The following CDCA7 variants were observed in gnomAD, a reference collection of about 807,000 sequenced individuals.
The protein encoded by CDCA7 is cell division cycle associated 7, also known as cell division cycle-associated protein 7.
Under a neutral mutation model 54.0 loss-of-function variants are expected in CDCA7, and 28 were observed. The ratio of observed to expected loss-of-function variants is 0.52; its 90% CI spans 0.38 to 0.71. The LOEUF (loss-of-function observed/expected upper bound fraction) is 0.71. Among genes scored for constraint, CDCA7 ranks in the 30% least tolerant of loss-of-function variants. CDCA7 has a pLI of 0.00. For missense variants in CDCA7, 484 were observed against 586.0 expected (o/e 0.83, Z 1.80); for synonymous variants, 180 against 208.2 (o/e 0.86, Z 1.16).
At chr2:173,357,974 G>A (rs1264044689) in intron 1 of CDCA7, among the ~76,000 whole-genome samples, 1 of 152,154 alleles carries the variant, frequency 6.6e-6, no homozygotes. Flanking sequence ...GCCGAGGCAG[G>A]CAGATCACGA....
At chr2:173,363,762 C>T (rs1686667136) in intron 4 of CDCA7, 56 bp from the exon 5 acceptor site, 2 of 1,536,052 alleles carry the variant, frequency 1.3e-6, no homozygotes, top group African/African-American at 1.4e-5. Context: ...GTTAGTTGCT[C>T]ATTTTCGACA....
intron 1 of CDCA7, chr2:173,356,228 T>A (rs1686501733): frequency 6.6e-6 from 1 of 152,270 alleles, no homozygotes; most frequent in Non-Finnish European, 1.5e-5. Context: ...TGGCTTTTCC[T>A]CCAAAGATAC....
At chr2:173,367,006 A>G in intron 8 of CDCA7, 144 bp from the exon 9 acceptor site, 3 of 1,171,264 alleles carry the variant, frequency 2.6e-6, no homozygotes, top group South Asian at 3.2e-5. Context: ...AGGAAGCATT[A>G]GGCATTAGGA....
intron 6 of CDCA7, 63 bp downstream of exon 6, chr2:173,365,052 C>G: frequency 6.7e-7 from 1 of 1,499,374 alleles, no homozygotes; most frequent in South Asian, 1.4e-5. Flanking sequence ...TGGCATCATA[C>G]ACAGCACAGG....
rs373928192 is a variant in CDCA7, at chr2:173,359,499, C to A, written c.384+8C>A. 3 of 1,601,464 alleles carry A rather than the reference C, an allele frequency of 1.9e-6. No individual in the cohort carries two copies. Among genetic ancestry groups the A allele is most frequent in the South Asian group, 2.2e-5 (2 of 90,644 alleles). ...GAGATACAAGATGGAATGGTGAGTT[C>A]GAGAATTTCACCAGTTTCAAGAAGT... On this transcript the variant is annotated splice_region_variant and intron_variant, in intron 3 of 9. Coordinates refer to ENST00000306721, the MANE Select transcript of CDCA7 (RefSeq NM_031942.5).
In CDCA7 at chr2:173,359,235, T is replaced by G; in HGVS notation, c.148-20T>G. The stretch of plus-strand genomic sequence containing the variant: ...AAAAGAAAAAAAATGCACAACCGCA[T>G]TTATTTATTTATTTTACAGAAACCT... On this transcript the variant is annotated intron_variant, in intron 2 of 9. Coordinates refer to ENST00000306721, the MANE Select transcript of CDCA7 (RefSeq NM_031942.5). 1 of 1,564,636 alleles carries G rather than the reference T, an allele frequency of 6.4e-7. No homozygotes were observed. The highest frequency in any genetic ancestry group is 8.8e-7 in the Non-Finnish European group (1 of 1,141,068).
intron 2 of CDCA7, 64 bp from the exon 3 acceptor site, chr2:173,359,191 A>G (rs1686571894): frequency 1.5e-6 from 2 of 1,359,400 alleles, no homozygotes; most frequent in Non-Finnish European, 2.1e-6. Flanking sequence ...TGCACGGTTT[A>G]TGGAAAATTG....
chr2:173,359,398 A>G lies in CDCA7; in HGVS notation c.291A>G (p.Pro97=). 3.1e-6 allele frequency: 5 copies of G among 1,614,238 alleles called. No homozygotes were observed. The highest frequency in any genetic ancestry group is 4.2e-6 in the Non-Finnish European group (5 of 1,180,050). The change falls in exon 3 of 10, where the codon CCA becomes CCG. Residue 97 remains proline (P), a synonymous_variant. Transcript: ENST00000306721. ...DHCGFLQKPR[P]DVTNELAGIF... is the part of the protein sequence containing the mutation. ...GTGGATTTTTACAGAAACCAAGGCC[A>G]GATGTCACTAACGAACTGGCCGGTA... is the stretch of plus-strand genomic sequence containing the variant.
intron 9 of CDCA7, 140 bp downstream of exon 9, chr2:173,367,426 G>C: frequency 7.1e-7 from 1 of 1,404,900 alleles, no homozygotes; most frequent in African/African-American, 1.4e-5. Context: ...GGAAGGGATG[G>C]GAACATTTTC....
chr2:173,367,514 C>T, intron 9 of CDCA7, 120 bp from the exon 10 acceptor site: 6 of 1,355,530 alleles, frequency 4.4e-6, no homozygotes, highest in Non-Finnish European at 6.3e-6. Context: ...AAGATGCGCA[C>T]ACTTGACCAT....
At chr2:173,363,600 A>T in intron 4 of CDCA7, 138 bp downstream of exon 4, 1 of 951,580 alleles carries the variant, frequency 1.1e-6, no homozygotes, top group South Asian at 1.7e-5. Flanking sequence ...GAAGTCTTCA[A>T]TGTGTGCCTC....
rs1262205326 is a variant in CDCA7 at position 173,366,874 on chromosome 2, G to T, written c.1186-276G>T. Among the ~76,000 whole-genome samples, 2 of 152,086 alleles carry T rather than the reference G, an allele frequency of 1.3e-5. No individual in the cohort carries two copies. Among genetic ancestry groups the T allele is most frequent in the Non-Finnish European group, 2.9e-5 (2 of 68,024 alleles). ...GGTGCTCTTAATTCAGAACACAAAT[G>T]AATTCAGAGGGATGGTGCTGCATAG... On this transcript the variant is annotated intron_variant, in intron 8 of 9. Coordinates refer to ENST00000306721, the MANE Select transcript of CDCA7 (RefSeq NM_031942.5). This position sits in a 1 kb window ranked among gnomAD's most constrained non-coding sequence, Gnocchi z 4.5.
rs1686756282 is a variant in CDCA7 at position 173,368,070 on chromosome 2, A to G, written c.*406A>G. 5.6e-6 allele frequency: 1 copy of G among 177,750 alleles called. No homozygotes were observed. The allele number at this position is 177,750 out of a possible 1,614,324, so 11.0% of individuals were successfully genotyped here. On this transcript the variant is annotated 3_prime_UTR_variant, in exon 10 of 10. Transcript: ENST00000306721. ...ACTAACTAGATCTATTGAATTTCAG[A>G]GAAGAGCCTTCTAACTTGTTTACAC...
chr2:173,357,034 C>A (rs1244077614), intron 1 of CDCA7, among the ~76,000 whole-genome samples: 2 of 152,208 alleles, frequency 1.3e-5, no homozygotes, highest in Admixed American at 6.5e-5. Flanking sequence ...CATCTTACAT[C>A]TTAGCATATT....
Position 173,363,870 on chromosome 2 carries a change from G to C in CDCA7, c.674G>C (p.Arg225Thr). The C allele has an allele frequency of 5.6e-6, 9 of 1,614,226 alleles. No homozygotes were observed. The highest frequency in any genetic ancestry group is 7.6e-6 in the Non-Finnish European group (9 of 1,180,040). ...LESFPGSFRG[R>T]HPLPGSDSQS... The stretch of plus-strand genomic sequence containing the variant: ...AGCTTCCCTGGCTCGTTCCGTGGAA[G>C]ACATCCCCTCCCAGGCTCCGACTCA... Residue 225 changes from arginine to threonine, a missense_variant, in exon 5 of 10, where the codon AGA becomes ACA. Around this residue, in one of 3 missense-constraint regions of CDCA7, gnomAD observed 398 missense variants for 447.4 expected, o/e 0.89. Transcript: ENST00000306721.
At position 173,354,942 on chromosome 2, in the gene CDCA7, G is replaced by T. The variant is rs555438157; in HGVS notation, c.-22G>T. 576 of 1,464,628 alleles carry T rather than the reference G, an allele frequency of 3.9e-4. 1 individual carries two copies. Among genetic ancestry groups the T allele is most frequent in the Middle Eastern group, 3.6e-3 (15 of 4,168 alleles). The allele number at this position is 1,464,628 out of a possible 1,614,324, so 90.7% of individuals were successfully genotyped here. On this transcript the variant is annotated 5_prime_UTR_variant, in exon 1 of 10. Transcript: ENST00000306721. ...CTCCGCTCTCCCCGCTCCAAGCGCC[G>T]ATCTGGGCACCCGCCACCAGCATGG...
chr2:173,366,495 C>T lies in CDCA7; in HGVS notation c.1185+63C>T. ...GGTCAGCCACAAACTGTGATGAGGC[C>T]AGAAAAAGGCATTGGTGAAGGGGTG... On this transcript the variant is annotated intron_variant, in intron 8 of 9. Coordinates refer to ENST00000306721, the MANE Select transcript of CDCA7 (RefSeq NM_031942.5). The surrounding 1 kb of genome is among the most constrained non-coding windows in gnomAD (Gnocchi z 4.5). 1 of 1,581,496 alleles carries T rather than the reference C, an allele frequency of 6.3e-7. No individual in the cohort carries two copies. The highest frequency in any genetic ancestry group is 8.6e-7 in the Non-Finnish European group (1 of 1,162,688).
At chr2:173,363,722 C>T in intron 4 of CDCA7, 96 bp from the exon 5 acceptor site, 1 of 1,231,748 alleles carries the variant, frequency 8.1e-7, no homozygotes, top group Non-Finnish European at 1.2e-6. Flanking sequence ...AAATATAAAA[C>T]CATGAGATGT....
Position 173,358,118 on chromosome 2 carries a change from T to G in CDCA7, c.22-594T>G, listed in dbSNP as rs111746292. Among the ~76,000 whole-genome samples the G allele has an allele frequency of 2.1e-4, 31 of 148,028 alleles. 1 individual carries two copies. The highest frequency in any genetic ancestry group is 7.8e-4 in the African/African-American group (31 of 39,994). On this transcript the variant is annotated intron_variant, in intron 1 of 9. Transcript: ENST00000306721. ...TGGAGGCTGAGGCAGGAGAATGGCG[T>G]GAATCCATGAGGCGGAGCTTGCAGT...
Sources: allele counts gnomAD v4.1 joint callset (sites outside exome capture counted in the v4.1 genomes callset), GRCh38; gene constraint gnomAD v4.1.1; regional missense constraint gnomAD v4.1.1; non-coding constraint Gnocchi (gnomAD v3.1); transcripts MANE v1.5; gene names NCBI Gene and HGNC (gene_info 2026-07-23, HGNC 2026-07-21).